ACSS3: variants seen among roughly 807,000 people sequenced by gnomAD.
ACSS3 encodes acyl-CoA synthetase short chain family member 3, also known as acyl-CoA synthetase short-chain family member 3, mitochondrial.
ACSS3 carries 64 observed loss-of-function variants against 84.2 expected under a neutral mutation model. The ratio of observed to expected loss-of-function variants is 0.76; its 90% CI spans 0.62 to 0.94. ACSS3 has a LOEUF of 0.94. ACSS3 is among the 40% of genes least tolerant of loss of function. The pLI is 0.00. For synonymous variants in ACSS3, 317 were observed against 310.1 expected, an observed-to-expected ratio of 1.02 and a Z score of -0.23; for missense variants, 815 against 867.6, an observed-to-expected ratio of 0.94 and a Z score of 0.76.
intron 2 of ACSS3, among the ~76,000 whole-genome samples, chr12:81,118,605 C>T (rs1026592615): frequency 6.6e-6 from 1 of 152,032 alleles, no homozygotes; most frequent in African/African-American, 2.4e-5. Context: ...ATTTCACAGG[C>T]AAAATAAATA....
chr12:81,204,125 C>A (rs145871290), intron 9 of ACSS3, among the ~76,000 whole-genome samples: 3 of 151,464 alleles, frequency 2.0e-5, no homozygotes, highest in Non-Finnish European at 4.4e-5. Context: ...TGGTGGCCTT[C>A]GTGGGATTTT....
chr12:81,133,041 C>T (rs73359345), intron 2 of ACSS3, among the ~76,000 whole-genome samples: 7,368 of 151,926 alleles, frequency 0.048, 456 homozygotes, highest in African/African-American at 0.14. Context: ...CTTCTGCTAG[C>T]GTCTTTGAAG....
chr12:81,217,564 C>T lies in ACSS3; in HGVS notation c.1450+568C>T, dbSNP rs187314355. Among the ~76,000 whole-genome samples, 10 of 152,182 alleles carry T rather than the reference C, an allele frequency of 6.6e-5. No homozygotes were observed. In the East Asian group the frequency reaches 7.7e-4, roughly 12 times the overall value. On this transcript the variant is annotated intron_variant, in intron 10 of 15. Transcript: ENST00000548058. Reference sequence around the variant, plus strand: ...TTATTGTTTAATAATAAAAACAGGCCGGAAGTGGTGGCTCATGCCTGTAAT... The same window carrying T: ...TTATTGTTTAATAATAAAAACAGGCTGGAAGTGGTGGCTCATGCCTGTAAT...
At chr12:81,088,075 C>T (rs1226244135) in intron 1 of ACSS3, among the ~76,000 whole-genome samples, 4 of 152,040 alleles carry the variant, frequency 2.6e-5, no homozygotes, top group Admixed American at 1.3e-4. Flanking sequence ...CGTGATTATG[C>T]GATTAGCTTT....
intron 1 of ACSS3, among the ~76,000 whole-genome samples, chr12:81,097,716 G>T (rs1313244049): frequency 1.3e-5 from 2 of 152,168 alleles, no homozygotes; most frequent in African/African-American, 4.8e-5. Flanking sequence ...ATTGAAAGGA[G>T]CTAATGAAAT....
At chr12:81,228,498 C>T (rs1460474326) in intron 11 of ACSS3, among the ~76,000 whole-genome samples, 1 of 151,848 alleles carries the variant, frequency 6.6e-6, no homozygotes, top group Non-Finnish European at 1.5e-5. Flanking sequence ...TGCTTTCATC[C>T]TGTAGGCATC....
At chr12:81,236,560 C>G (rs561556222) in intron 13 of ACSS3, among the ~76,000 whole-genome samples, 41 of 151,338 alleles carry the variant, frequency 2.7e-4, no homozygotes, top group African/African-American at 9.9e-4. Flanking sequence ...TGGACAGCAT[C>G]TATTTGTTTT....
chr12:81,184,178 G>A (rs1375013166), intron 8 of ACSS3, among the ~76,000 whole-genome samples: 1 of 151,910 alleles, frequency 6.6e-6, no homozygotes, highest in Non-Finnish European at 1.5e-5. Flanking sequence ...TAAACAACAT[G>A]CTCTTGAACA....
At chr12:81,231,024 A>G (rs2293652) in intron 11 of ACSS3, 33 bp from the exon 12 acceptor site, 40,070 of 1,514,086 alleles carry the variant, frequency 0.026, 1,194 homozygotes, top group African/African-American at 0.14. Context: ...TACCACTTTC[A>G]TCATAATTTT....
intron 12 of ACSS3, among the ~76,000 whole-genome samples, chr12:81,233,057 C>G (rs1251465980): frequency 2.0e-5 from 3 of 151,538 alleles, no homozygotes; most frequent in South Asian, 2.1e-4. Context: ...TAGTATTGAG[C>G]TATTACTTCT....
chr12:81,122,801 G>A (rs775497950), intron 2 of ACSS3, among the ~76,000 whole-genome samples: 1 of 152,036 alleles, frequency 6.6e-6, no homozygotes, highest in Non-Finnish European at 1.5e-5. Flanking sequence ...GTCCAGGTGG[G>A]TTACATATTT....
At chr12:81,143,743 A>G (rs1189358362) in intron 5 of ACSS3, among the ~76,000 whole-genome samples, 2 of 152,186 alleles carry the variant, frequency 1.3e-5, no homozygotes, top group African/African-American at 4.8e-5. Context: ...GGCAGTTTGA[A>G]CAGAGGCAAT....
rs1886163417 is a variant in ACSS3 at position 81,142,982 on chromosome 12, T to A, written c.781-125T>A. On this transcript the variant is annotated intron_variant, in intron 4 of 15. Transcript: ENST00000548058. ...TTGAACTTTTTAGTCATAAATCTGA[T>A]GTTCAGTGCCATATAGGCCTAGATT... The A allele has an allele frequency of 3.5e-6, 3 of 848,656 alleles. No homozygotes were observed. In the East Asian group the frequency reaches 9.6e-5, roughly 27 times the overall value. 52.6% of individuals were successfully genotyped at this position (848,656 alleles called of 1,614,324 possible).
intron 8 of ACSS3, among the ~76,000 whole-genome samples, chr12:81,196,191 C>T (rs1324252374): frequency 6.6e-6 from 1 of 151,922 alleles, no homozygotes; most frequent in Non-Finnish European, 1.5e-5. Context: ...ATTTTTCTTC[C>T]TCCAGGCCAG....
intron 7 of ACSS3, among the ~76,000 whole-genome samples, chr12:81,158,015 A>G (rs1886968554): frequency 6.6e-6 from 1 of 151,950 alleles, no homozygotes; most frequent in African/African-American, 2.4e-5. Flanking sequence ...TCAGGATACA[A>G]GATTAACATA....
chr12:81,201,011 A>T (rs2135901142), intron 9 of ACSS3, among the ~76,000 whole-genome samples: 1 of 152,306 alleles, frequency 6.6e-6, no homozygotes, highest in Non-Finnish European at 1.5e-5. Context: ...TAAGATGAAA[A>T]TCAGAAAGAA....
At position 81,139,188 on chromosome 12, in the gene ACSS3, G is replaced by A. The variant is rs779094916; in HGVS notation, c.703G>A (p.Val235Ile). The A allele has an allele frequency of 3.3e-5, 53 of 1,613,640 alleles. 1 individual carries two copies. Among genetic ancestry groups the A allele is most frequent in the South Asian group, 7.7e-5 (7 of 91,088 alleles). Residue 235 changes from valine to isoleucine, a missense_variant, in exon 4 of 16, where the codon GTA (valine) becomes ATA (isoleucine). Transcript: ENST00000548058. ...TGAACCTGGAAGGAGGGTAGAGTAC[G>A]TACCACTTGTAGAAGAAGCGCTAAA... is the stretch of plus-strand genomic sequence containing the variant. ...GIEPGRRVEY[V>I]PLVEEALKIG... is the part of the protein sequence containing the mutation.
At chr12:81,214,533 A>G (rs2032827977) in intron 9 of ACSS3, among the ~76,000 whole-genome samples, 1 of 152,218 alleles carries the variant, frequency 6.6e-6, no homozygotes, top group Admixed American at 6.5e-5. Flanking sequence ...ATCATAATGT[A>G]TAAAAAAGAT....
chr12:81,219,266 A>T (rs2033024614), intron 10 of ACSS3, among the ~76,000 whole-genome samples: 1 of 152,168 alleles, frequency 6.6e-6, no homozygotes, highest in Admixed American at 6.6e-5. Context: ...CTGTCAATAC[A>T]GAATTTTAAA....
Sources: allele counts gnomAD v4.1 joint callset (sites outside exome capture counted in the v4.1 genomes callset), GRCh38; gene constraint gnomAD v4.1.1; transcripts MANE v1.5; gene names NCBI Gene and HGNC (gene_info 2026-07-23, HGNC 2026-07-21).